Variants in ELP4 observed in about 807,000 individuals in gnomAD.
The protein encoded by ELP4 is elongator complex protein 4.
A neutral mutation model predicts 48.9 loss-of-function variants in ELP4; 51 were observed. The observed-to-expected ratio is 1.04, with a 90% CI of 0.83 to 1.32. ELP4 has a LOEUF of 1.32. Ranked by LOEUF, ELP4 falls within the 40% of genes most tolerant of loss-of-function variation. ELP4 has a pLI of 0.00. For synonymous variants in ELP4, 210 were observed against 189.2 expected (o/e 1.11, Z -0.90); for missense variants, 519 against 514.6 (o/e 1.01, Z -0.08).
At chr11:31,628,719 T>A (rs1292461032) in intron 6 of ELP4, among the ~76,000 whole-genome samples, 1 of 152,070 alleles carries the variant, frequency 6.6e-6, no homozygotes, top group African/African-American at 2.4e-5. Flanking sequence ...ACTTTTTAAA[T>A]TAAAATATAC....
intron 9 of ELP4, among the ~76,000 whole-genome samples, chr11:31,699,744 AG>A (rs1946482341): frequency 6.6e-6 from 1 of 152,182 alleles, no homozygotes; most frequent in South Asian, 2.1e-4. Flanking sequence ...CAGATGATCA[AG>A]GTTGACATCA....
At chr11:31,573,462 GT>G (rs964077521) in intron 3 of ELP4, 1 of 152,178 alleles carries the variant, frequency 6.6e-6, no homozygotes, top group African/African-American at 2.4e-5. Context: ...CTATCTCACA[GT>G]TTTGGAGACT....
At chr11:31,589,903 T>G (rs982677278) in intron 3 of ELP4, among the ~76,000 whole-genome samples, 2 of 152,208 alleles carry the variant, frequency 1.3e-5, no homozygotes, top group Admixed American at 1.3e-4. Flanking sequence ...TGTGACCTAT[T>G]ATTTATTTGT....
At chr11:31,732,070 T>G (rs1033650396) in intron 9 of ELP4, among the ~76,000 whole-genome samples, 1 of 152,030 alleles carries the variant, frequency 6.6e-6, no homozygotes, top group African/African-American at 2.4e-5. Context: ...GTCCTTCAAG[T>G]TGAAATGAAA....
At chr11:31,672,431 C>T in intron 9 of ELP4, among the ~76,000 whole-genome samples, 1 of 152,084 alleles carries the variant, frequency 6.6e-6, no homozygotes, top group Non-Finnish European at 1.5e-5. Context: ...GATATTTATT[C>T]CAGTGCTGTG....
At chr11:31,677,644 A>T (rs948324125) in intron 9 of ELP4, among the ~76,000 whole-genome samples, 3 of 152,176 alleles carry the variant, frequency 2.0e-5, no homozygotes, top group Non-Finnish European at 4.4e-5. Context: ...AATGTGATTT[A>T]AAAAAACAAG....
At chr11:31,762,653 T>G (rs1262294592) in intron 9 of ELP4, among the ~76,000 whole-genome samples, 2 of 151,990 alleles carry the variant, frequency 1.3e-5, no homozygotes, top group Non-Finnish European at 2.9e-5. Context: ...TTACAGCTCA[T>G]GTATCATATG....
At chr11:31,756,088 G>C (rs1947827198) in intron 9 of ELP4, among the ~76,000 whole-genome samples, 1 of 152,182 alleles carries the variant, frequency 6.6e-6, no homozygotes. Flanking sequence ...ACAAATAGAA[G>C]TAACAAAGCC....
At chr11:31,591,780 C>A (rs1288541296) in intron 3 of ELP4, among the ~76,000 whole-genome samples, 3 of 152,198 alleles carry the variant, frequency 2.0e-5, no homozygotes, top group African/African-American at 7.2e-5. Context: ...CAGTGGAAAA[C>A]ATGTTCACAC....
intron 7 of ELP4, among the ~76,000 whole-genome samples, chr11:31,640,173 T>A (rs1945062381): frequency 6.6e-6 from 1 of 151,954 alleles, no homozygotes; most frequent in Non-Finnish European, 1.5e-5. Context: ...TCTTTTACAT[T>A]ATTTTTATCA....
At chr11:31,742,588 C>A (rs1319799294) in intron 9 of ELP4, among the ~76,000 whole-genome samples, 1 of 152,132 alleles carries the variant, frequency 6.6e-6, no homozygotes, top group Non-Finnish European at 1.5e-5. Flanking sequence ...AGAGTGGGGG[C>A]CAATATTCAA....
In ELP4 at chr11:31,704,381, G is replaced by A. The variant is rs527694098; in HGVS notation, c.1143+54160G>A. Reference sequence around the variant, plus strand: ...AAACCATCATTCTCAGCAAACTATCGCAAGAACAAAAAACCATACACCGCA... The same window carrying A: ...AAACCATCATTCTCAGCAAACTATCACAAGAACAAAAAACCATACACCGCA... On this transcript the variant is annotated intron_variant, in intron 9 of 9. Transcript: ENST00000640961. Among the ~76,000 whole-genome samples the A allele has an allele frequency of 1.4e-4, 21 of 152,050 alleles. No homozygotes were observed. In the East Asian group the frequency reaches 1.5e-3, roughly 11 times the overall value.
intron 9 of ELP4, among the ~76,000 whole-genome samples, chr11:31,656,294 A>T (rs138656599): frequency 2.1e-3 from 317 of 152,116 alleles, no homozygotes; most frequent in African/African-American, 7.2e-3. Context: ...TCCCTTAGGC[A>T]GTGTAAGTCC....
intron 9 of ELP4, among the ~76,000 whole-genome samples, chr11:31,752,666 C>T (rs995961712): frequency 2.0e-5 from 3 of 151,884 alleles, no homozygotes; most frequent in Admixed American, 6.6e-5. Context: ...AACCCCGTCT[C>T]TACTAAAAAT....
At chr11:31,712,095 G>C (rs921642922) in intron 9 of ELP4, among the ~76,000 whole-genome samples, 1 of 151,660 alleles carries the variant, frequency 6.6e-6, no homozygotes, top group South Asian at 2.1e-4. Context: ...CAATACCTAG[G>C]TCTAGTTACC....
intron 9 of ELP4, among the ~76,000 whole-genome samples, chr11:31,678,130 A>G (rs946823909): frequency 2.6e-5 from 4 of 151,984 alleles, no homozygotes; most frequent in African/African-American, 9.7e-5. Context: ...TAGCTTCCTC[A>G]TATTGGCTTT....
chr11:31,530,206 G>T (rs1447467601), intron 2 of ELP4, among the ~76,000 whole-genome samples: 2 of 152,194 alleles, frequency 1.3e-5, no homozygotes, highest in Admixed American at 1.3e-4. Flanking sequence ...TAACTGGACA[G>T]TTCCAAGTTT....
At chr11:31,615,759 T>C (rs1202000873) in intron 5 of ELP4, among the ~76,000 whole-genome samples, 1 of 152,032 alleles carries the variant, frequency 6.6e-6, no homozygotes, top group Non-Finnish European at 1.5e-5. Flanking sequence ...GATAACATAT[T>C]GTCCTTATTG....
intron 5 of ELP4, among the ~76,000 whole-genome samples, chr11:31,619,435 A>G (rs929484970): frequency 1.3e-5 from 2 of 152,018 alleles, no homozygotes; most frequent in African/African-American, 4.8e-5. Context: ...TGTATTTCTT[A>G]TGGTTCTGGA....
Sources: gnomAD v4.1 joint callset for allele counts (sites outside exome capture counted in the v4.1 genomes callset) on GRCh38, gnomAD v4.1.1 for gene constraint, MANE v1.5 for transcripts, NCBI Gene and HGNC (gene_info 2026-07-23, HGNC 2026-07-21) for gene names.